The following WDR48 variants were observed in gnomAD, a reference collection of about 807,000 sequenced individuals.
WDR48 encodes the protein WD repeat-containing protein 48.
A neutral mutation model predicts 94.0 loss-of-function variants in WDR48; 22 were observed. The ratio of observed to expected loss-of-function variants is 0.23; its 90% CI spans 0.17 to 0.33. The LOEUF is 0.33. Ranked by LOEUF, WDR48 falls within the 10% of genes least tolerant of loss-of-function variation. WDR48 has a pLI of 1.00. For synonymous variants in WDR48, 278 were observed against 280.5 expected, an observed-to-expected ratio of 0.99 and a Z score of 0.09; for missense variants, 541 against 813.8, an observed-to-expected ratio of 0.66 and a Z score of 4.08.
At chr3:39,079,856 C>T (rs2034428210) in intron 11 of WDR48, 48 bp downstream of exon 11, 4 of 1,112,018 alleles carry the variant, frequency 3.6e-6, no homozygotes, top group South Asian at 1.8e-5. Context: ...TTGTATACCC[C>T]CTTTATTTTT....
chr3:39,064,254 A>G (rs1353960700), intron 2 of WDR48, among the ~76,000 whole-genome samples: 5 of 150,654 alleles, frequency 3.3e-5, no homozygotes, highest in East Asian at 1.9e-4. Context: ...CAAGGTACCT[A>G]TTAGGATCCA....
intron 8 of WDR48, among the ~76,000 whole-genome samples, 189 bp downstream of exon 8, chr3:39,075,139 AGT>A (rs959612586): frequency 2.7e-5 from 4 of 147,108 alleles, no homozygotes; most frequent in Non-Finnish European, 4.5e-5. Context: ...TGGAGGGAAG[AGT>A]GTCAGTATGA....
intron 6 of WDR48, 149 bp from the exon 7 acceptor site, chr3:39,069,494 A>G (rs775152523): frequency 1.7e-5 from 10 of 573,854 alleles, no homozygotes; most frequent in Non-Finnish European, 1.8e-5. Flanking sequence ...TAATTCCCTG[A>G]GGTTGGGAGG....
intron 2 of WDR48, among the ~76,000 whole-genome samples, chr3:39,064,671 C>T (rs2033488785): frequency 6.6e-6 from 1 of 152,122 alleles, no homozygotes; most frequent in Non-Finnish European, 1.5e-5. Flanking sequence ...AACTTGAAAA[C>T]CCTAGTGCTA....
At position 39,052,039 on chromosome 3, in the gene WDR48, A is replaced by G; in HGVS notation, c.14A>G (p.His5Arg). MAAH[H>R]RQNTAGRRKV... Reference sequence around the variant, plus strand: ...TCAACATGCAAGATGGCGGCCCATCACCGGCAGAACACAGCAGGGCGGAGG... The same window carrying G: ...TCAACATGCAAGATGGCGGCCCATCGCCGGCAGAACACAGCAGGGCGGAGG... Residue 5 changes from histidine (H) to arginine (R), a missense_variant, in exon 1 of 19, where the codon CAC becomes CGC. Physicochemically the swap from His to Arg is conservative, Grantham distance 29. Transcript: ENST00000302313. The G allele has an allele frequency of 1.2e-6, 2 of 1,613,934 alleles. No homozygotes were observed. The highest frequency in any genetic ancestry group is 1.7e-6 in the Non-Finnish European group (2 of 1,179,964).
At chr3:39,072,582 A>G (rs1283517474) in intron 7 of WDR48, among the ~76,000 whole-genome samples, 1 of 152,224 alleles carries the variant, frequency 6.6e-6, no homozygotes, top group African/African-American at 2.4e-5. Flanking sequence ...CTTCATTGGC[A>G]GAAACAAAGA....
At chr3:39,054,701 A>G (rs1328156950) in intron 1 of WDR48, among the ~76,000 whole-genome samples, 2 of 152,226 alleles carry the variant, frequency 1.3e-5, no homozygotes, top group African/African-American at 2.4e-5. Context: ...GAATTGCTAT[A>G]AAGAAATACC....
intron 11 of WDR48, among the ~76,000 whole-genome samples, 196 bp from the exon 12 acceptor site, chr3:39,083,959 A>G (rs1269499173): frequency 2.6e-5 from 4 of 152,192 alleles, no homozygotes; most frequent in Admixed American, 1.3e-4. Context: ...CCCAAATACT[A>G]TTTTGTGCTT....
intron 14 of WDR48, among the ~76,000 whole-genome samples, chr3:39,087,535 T>C (rs13100575): frequency 0.11 from 16,124 of 152,162 alleles, 909 homozygotes; most frequent in Admixed American, 0.14. Flanking sequence ...GGAGGATCAC[T>C]TGAGCCAGGG....
At chr3:39,086,023 T>A (rs1400807251) in intron 14 of WDR48, among the ~76,000 whole-genome samples, 1 of 152,190 alleles carries the variant, frequency 6.6e-6, no homozygotes, top group African/African-American at 2.4e-5. Context: ...TGGGCTGAAA[T>A]GTTGGTATTT....
intron 1 of WDR48, among the ~76,000 whole-genome samples, chr3:39,053,940 C>G (rs942363251): frequency 1.8e-4 from 28 of 152,168 alleles, no homozygotes; most frequent in African/African-American, 6.5e-4. Flanking sequence ...CACTTAGGAC[C>G]TTGTTCTTCA....
chr3:39,058,923 A>C (rs1244396188), intron 1 of WDR48, among the ~76,000 whole-genome samples: 2 of 152,090 alleles, frequency 1.3e-5, no homozygotes, highest in Non-Finnish European at 2.9e-5. Flanking sequence ...AAAAATACAA[A>C]AATTAGCTGG....
chr3:39,065,943 T>A, intron 3 of WDR48, 54 bp downstream of exon 3: 3 of 1,366,148 alleles, frequency 2.2e-6, no homozygotes, highest in Non-Finnish European at 2.0e-6. Flanking sequence ...TTGTTTTTTA[T>A]ATAAGCTTTT....
At chr3:39,080,186 G>A (rs544759219) in intron 11 of WDR48, among the ~76,000 whole-genome samples, 1 of 152,162 alleles carries the variant, frequency 6.6e-6, no homozygotes, top group Admixed American at 6.5e-5. Flanking sequence ...CCACCCAGTA[G>A]TTGCCAGTAA....
chr3:39,087,200 A>C (rs1259882243), intron 14 of WDR48, among the ~76,000 whole-genome samples: 1 of 152,190 alleles, frequency 6.6e-6, no homozygotes, highest in Non-Finnish European at 1.5e-5. Flanking sequence ...ATGAATTGGC[A>C]CTTGAGTTGG....
At chr3:39,076,522 A>T (rs1375463029) in intron 8 of WDR48, among the ~76,000 whole-genome samples, 1 of 152,242 alleles carries the variant, frequency 6.6e-6, no homozygotes, top group African/African-American at 2.4e-5. Flanking sequence ...GATTGCTGCT[A>T]GCTAGGAGTC....
chr3:39,073,809 A>G (rs2034067659), intron 7 of WDR48, among the ~76,000 whole-genome samples: 1 of 152,216 alleles, frequency 6.6e-6, no homozygotes, highest in Non-Finnish European at 1.5e-5. Flanking sequence ...CAACGCAAAG[A>G]GTGAATGGTA....
chr3:39,069,056 T>C (rs142355521), intron 6 of WDR48, among the ~76,000 whole-genome samples, 197 bp downstream of exon 6: 36 of 152,268 alleles, frequency 2.4e-4, no homozygotes, highest in African/African-American at 8.4e-4. Context: ...GCTGAGGCTG[T>C]AGCGATCCTT....
intron 7 of WDR48, among the ~76,000 whole-genome samples, chr3:39,073,563 C>T (rs995526126): frequency 3.3e-5 from 5 of 152,086 alleles, no homozygotes; most frequent in Admixed American, 6.5e-5. Flanking sequence ...CTTTTTCCTC[C>T]GGGCCATTCT....
Sources: gnomAD v4.1 joint callset for allele counts (sites outside exome capture counted in the v4.1 genomes callset) on GRCh38, gnomAD v4.1.1 for gene constraint, MANE v1.5 for transcripts, NCBI Gene and HGNC (gene_info 2026-07-23, HGNC 2026-07-21) for gene names.